SORT1: variants seen among roughly 807,000 people sequenced by gnomAD.
SORT1 encodes the protein sortilin 1, also known as sortilin.
Under a neutral mutation model 101.7 loss-of-function variants are expected in SORT1, and 39 were observed. The ratio of observed to expected loss-of-function variants is 0.38; its 90% CI spans 0.30 to 0.50. The LOEUF is 0.50. SORT1 is among the 20% of genes least tolerant of loss of function. The pLI is 0.90. For missense variants in SORT1, 878 were observed against 1,040.4 expected, an observed-to-expected ratio of 0.84 and a Z score of 2.15; for synonymous variants, 396 against 393.7, an observed-to-expected ratio of 1.01 and a Z score of -0.07.
At chr1:109,326,224 T>C (rs1467000171) in intron 13 of SORT1, among the ~76,000 whole-genome samples, 16 of 148,076 alleles carry the variant, frequency 1.1e-4, no homozygotes, top group Admixed American at 1.1e-3. Flanking sequence ...ATTTTTCTTT[T>C]TTTTTTTTTG....
At position 109,363,901 on chromosome 1, in the gene SORT1, G is replaced by C. The variant is rs529581931; in HGVS notation, c.440+3507C>G. On this transcript the variant is annotated intron_variant, in intron 3 of 19. Transcript: ENST00000256637. Reference sequence around the variant, plus strand: ...TGAAACAACAGTTGCCTCTTGGTTGGCATGTTTGACATGGTTGACTTGGTT... The same window carrying C: ...TGAAACAACAGTTGCCTCTTGGTTGCCATGTTTGACATGGTTGACTTGGTT... 2.0e-5 allele frequency among the ~76,000 whole-genome samples: 3 copies of C among 152,260 alleles called. No individual in the cohort carries two copies. In the East Asian group the frequency reaches 5.8e-4, roughly 29 times the overall value.
intron 6 of SORT1, among the ~76,000 whole-genome samples, chr1:109,350,432 C>A (rs563030792): frequency 6.6e-6 from 1 of 152,134 alleles, no homozygotes; most frequent in Non-Finnish European, 1.5e-5. Flanking sequence ...AGCAGGCACC[C>A]GGAGGGGCAG....
chr1:109,346,638 A>G (rs935498012), intron 7 of SORT1, among the ~76,000 whole-genome samples: 10 of 148,678 alleles, frequency 6.7e-5, no homozygotes, highest in Non-Finnish European at 7.4e-5. Context: ...CCAGCTACAC[A>G]GGAGGCTGAG....
At position 109,324,892 on chromosome 1, in the gene SORT1, C is replaced by T; in HGVS notation, c.1834+7G>A. The T allele has an allele frequency of 6.4e-7, 1 of 1,567,466 alleles. No homozygotes were observed. Among genetic ancestry groups the T allele is most frequent in the Non-Finnish European group, 8.7e-7 (1 of 1,145,262 alleles). On this transcript the variant is annotated splice_region_variant and intron_variant, in intron 14 of 19. Coordinates refer to ENST00000256637, the MANE Select transcript of SORT1 (RefSeq NM_002959.7). Reference sequence around the variant, plus strand: ...TTCTGGTAGAAAAGGTCAAAGGAGACACTCACAGTTCCTTTCAAGGATATC... The same window carrying T: ...TTCTGGTAGAAAAGGTCAAAGGAGATACTCACAGTTCCTTTCAAGGATATC...
chr1:109,331,573 T>C (rs1391001287), intron 11 of SORT1, among the ~76,000 whole-genome samples: 1 of 152,196 alleles, frequency 6.6e-6, no homozygotes, highest in African/African-American at 2.4e-5. Flanking sequence ...GCTAACATCA[T>C]ACTCAAACAG....
chr1:109,377,884 A>G (rs1651964264), intron 1 of SORT1, among the ~76,000 whole-genome samples: 1 of 152,148 alleles, frequency 6.6e-6, no homozygotes, highest in Admixed American at 6.6e-5. Context: ...TAATATCACC[A>G]TCTAGTAAAA....
intron 3 of SORT1, among the ~76,000 whole-genome samples, chr1:109,358,773 A>T (rs1272652620): frequency 6.6e-6 from 1 of 150,576 alleles, no homozygotes; most frequent in Admixed American, 6.7e-5. Context: ...GAATTGCTTG[A>T]CCCCGGGAGG....
intron 1 of SORT1, among the ~76,000 whole-genome samples, chr1:109,394,443 G>A (rs905960223): frequency 6.6e-5 from 10 of 152,162 alleles, no homozygotes; most frequent in Non-Finnish European, 1.3e-4. Flanking sequence ...ACCTTAGAGA[G>A]AAAAAGGGAG....
At chr1:109,355,545 T>C (rs1327554066) in intron 3 of SORT1, 76 bp from the exon 4 acceptor site, 4 of 718,188 alleles carry the variant, frequency 5.6e-6, no homozygotes, top group African/African-American at 5.3e-5. Flanking sequence ...CAGCTTTCAT[T>C]CTCCCTTTCC....
At chr1:109,322,787 GC>G in intron 15 of SORT1, 144 bp downstream of exon 15, 1 of 626,648 alleles carries the variant, frequency 1.6e-6, no homozygotes, top group Non-Finnish European at 2.8e-6. Flanking sequence ...TGATCTGCCT[GC>G]CTTGGCATCC....
intron 15 of SORT1, among the ~76,000 whole-genome samples, chr1:109,320,006 C>T (rs973663335): frequency 4.6e-5 from 7 of 152,310 alleles, no homozygotes; most frequent in African/African-American, 1.2e-4. Flanking sequence ...ACTGTTGTGC[C>T]CCTGCCAACC....
intron 3 of SORT1, among the ~76,000 whole-genome samples, chr1:109,363,698 C>G (rs1480381609): frequency 6.6e-6 from 1 of 152,086 alleles, no homozygotes; most frequent in Non-Finnish European, 1.5e-5. Flanking sequence ...TCCAAATGAA[C>G]CTTTAACCAT....
chr1:109,346,923 G>A (rs1302628530), intron 7 of SORT1, among the ~76,000 whole-genome samples: 1 of 152,142 alleles, frequency 6.6e-6, no homozygotes, highest in African/African-American at 2.4e-5. Flanking sequence ...CAATCCTGCT[G>A]TCTCAGCCTC....
intron 11 of SORT1, among the ~76,000 whole-genome samples, chr1:109,332,134 T>G (rs760351879): frequency 6.6e-6 from 1 of 152,152 alleles, no homozygotes; most frequent in Non-Finnish European, 1.5e-5. Flanking sequence ...ACAGATTAAA[T>G]GTAATGCCTA....
chr1:109,351,687 T>C (rs1485950757), intron 5 of SORT1, among the ~76,000 whole-genome samples: 16 of 152,196 alleles, frequency 1.1e-4, no homozygotes, highest in Admixed American at 1.0e-3. Context: ...CCAGGGTTTA[T>C]TGCATATGAG....
At position 109,310,803 on chromosome 1, in the gene SORT1, G is replaced by A. The variant is rs1658682469; in HGVS notation, c.*3240C>T. 1 of 152,184 alleles carries A rather than the reference G, an allele frequency of 6.6e-6. No individual in the cohort carries two copies. The highest frequency in any genetic ancestry group is 2.4e-5 in the African/African-American group (1 of 41,422). The allele number at this position is 152,184 out of a possible 1,614,324, so 9.4% of individuals were successfully genotyped here. ...CCGTTACCCTGGGGTGGGTATGGAT[G>A]GCCCTGGGCTCCCCTCCGTATCCTG... On this transcript the variant is annotated 3_prime_UTR_variant, in exon 20 of 20. Coordinates refer to ENST00000256637, the MANE Select transcript of SORT1 (RefSeq NM_002959.7).
chr1:109,338,284 T>C (rs552166479), intron 10 of SORT1, among the ~76,000 whole-genome samples: 1 of 152,132 alleles, frequency 6.6e-6, no homozygotes, highest in Non-Finnish European at 1.5e-5. Flanking sequence ...TGTTAAGAAC[T>C]GGCAGGTGGA....
At chr1:109,373,300 G>C (rs1029692729) in intron 1 of SORT1, among the ~76,000 whole-genome samples, 2 of 152,054 alleles carry the variant, frequency 1.3e-5, no homozygotes, top group Admixed American at 6.6e-5. Context: ...ATATCGTCTG[G>C]GGAGGCCAAA....
chr1:109,366,135 T>C (rs781182548), intron 3 of SORT1, among the ~76,000 whole-genome samples: 1 of 152,218 alleles, frequency 6.6e-6, no homozygotes, highest in Non-Finnish European at 1.5e-5. Flanking sequence ...TAGGAGTTAG[T>C]TGGTCTTGAA....
Sources: allele counts gnomAD v4.1 joint callset (sites outside exome capture counted in the v4.1 genomes callset), GRCh38; gene constraint gnomAD v4.1.1; transcripts MANE v1.5; gene names NCBI Gene and HGNC (gene_info 2026-07-23, HGNC 2026-07-21).